PXYLP1: variants seen among roughly 807,000 people sequenced by gnomAD.
PXYLP1 encodes 2-phosphoxylose phosphatase 1.
A neutral mutation model predicts 37.9 loss-of-function variants in PXYLP1; 17 were observed. The ratio of observed to expected loss-of-function variants is 0.45; its 90% CI spans 0.31 to 0.67. PXYLP1 has a LOEUF of 0.67. PXYLP1 is among the 30% of genes least tolerant of loss of function. The pLI, the probability that PXYLP1 is intolerant of heterozygous loss-of-function variation, is 0.07. For synonymous variants in PXYLP1, 221 were observed against 232.2 expected (o/e 0.95, Z 0.44); for missense variants, 511 against 612.0 (o/e 0.84, Z 1.74).
intron 1 of PXYLP1, among the ~76,000 whole-genome samples, chr3:141,232,632 C>T (rs1286693286): frequency 1.3e-5 from 2 of 152,238 alleles, no homozygotes; most frequent in Non-Finnish European, 2.9e-5. Flanking sequence ...GTGAACTTGC[C>T]TATGTCCTGA....
intron 2 of PXYLP1, chr3:141,273,291 C>G: frequency 1.0e-6 from 1 of 985,428 alleles, no homozygotes; most frequent in Non-Finnish European, 1.2e-6. Context: ...AGTGGGTGAG[C>G]AGGTCCGGGC....
chr3:141,252,146 G>A (rs1941153879), intron 1 of PXYLP1, among the ~76,000 whole-genome samples: 1 of 152,110 alleles, frequency 6.6e-6, no homozygotes, highest in South Asian at 2.1e-4. Context: ...GGGTATGACT[G>A]GGAAATGAGG....
At chr3:141,279,302 G>T (rs1229949614) in intron 3 of PXYLP1, 76 bp from the exon 4 acceptor site, 9 of 1,572,762 alleles carry the variant, frequency 5.7e-6, no homozygotes, top group South Asian at 1.2e-5. Flanking sequence ...ATGTGGCCAG[G>T]TCATCCCCTT....
At chr3:141,248,592 CACGT>C (rs1235975236) in intron 1 of PXYLP1, among the ~76,000 whole-genome samples, 1 of 36,462 alleles carries the variant, frequency 2.7e-5, no homozygotes, top group African/African-American at 3.4e-4. Context: ...TATATACACA[CACGT>C]GTATATATAC....
At chr3:141,288,848 A>T (rs191479624) in intron 5 of PXYLP1, among the ~76,000 whole-genome samples, 7 of 152,314 alleles carry the variant, frequency 4.6e-5, no homozygotes, top group Admixed American at 1.3e-4. Context: ...GTGAACCATG[A>T]TCATGCCACT....
At chr3:141,261,026 GC>G (rs1559886269) in intron 2 of PXYLP1, among the ~76,000 whole-genome samples, 3 of 152,240 alleles carry the variant, frequency 2.0e-5, no homozygotes, top group African/African-American at 7.2e-5. Context: ...TTCCCTTTCA[GC>G]CCTTGCCCCT....
At chr3:141,240,186 T>C (rs1940760814) in intron 1 of PXYLP1, among the ~76,000 whole-genome samples, 1 of 152,226 alleles carries the variant, frequency 6.6e-6, no homozygotes, top group East Asian at 1.9e-4. Flanking sequence ...GCAAACCAGA[T>C]GTCCCCTGAC....
Position 141,287,396 on chromosome 3 carries a change from T to A in PXYLP1, c.448T>A (p.Ser150Thr). ...SGASFESPLNSLPLYPNHPLC... is the reference protein window; with the variant it reads ...SGASFESPLNTLPLYPNHPLC... The stretch of plus-strand genomic sequence containing the variant: ...AGCCTCTTTCGAAAGCCCCTTGAAC[T>A]CCTTGCCTCTTTACCCAAATCACCC... Residue 150 changes from serine (S) to threonine (T), a missense_variant, in exon 5 of 6, where the codon TCC becomes ACC. Transcript: ENST00000286353. 1 of 1,614,134 alleles carries A rather than the reference T, an allele frequency of 6.2e-7. No individual in the cohort carries two copies. Among genetic ancestry groups the A allele is most frequent in the Admixed American group, 1.7e-5 (1 of 60,032 alleles).
At chr3:141,274,903 G>T (rs72982588) in intron 2 of PXYLP1, among the ~76,000 whole-genome samples, 3,523 of 152,284 alleles carry the variant, frequency 0.023, 151 homozygotes, top group African/African-American at 0.08. Flanking sequence ...GAGTAGAGTT[G>T]CCAGCAAACG....
chr3:141,284,979 T>A (rs4461396), intron 4 of PXYLP1, among the ~76,000 whole-genome samples: 51,057 of 151,906 alleles, frequency 0.34, 10,992 homozygotes, highest in African/African-American at 0.62. Context: ...TTTTAGAGCA[T>A]CTGCTATGTG....
rs775132763 is a variant in PXYLP1, at chr3:141,292,313, A to G, written c.551A>G (p.Tyr184Cys). ...LQNGQLLRDI[Y>C]LKKHKLLPND... ...AACGGTCAGCTGCTGAGGGATATCTATCTAAAGAAACACAAACTCCTGCCC... is the reference window on the plus strand; with the variant it reads ...AACGGTCAGCTGCTGAGGGATATCTGTCTAAAGAAACACAAACTCCTGCCC... The change falls in exon 6 of 6, where the codon TAT becomes TGT. Residue 184 changes from tyrosine (Y) to cysteine (C), a missense_variant. Tyr to Cys is a radical substitution (Grantham distance 194). Transcript: ENST00000286353. This position sits in a 1 kb window ranked among gnomAD's most constrained non-coding sequence, Gnocchi z 4.3. The G allele has an allele frequency of 2.5e-6, 4 of 1,612,206 alleles. No homozygotes were observed. The highest frequency in any genetic ancestry group is 2.7e-5 in the African/African-American group (2 of 74,830).
chr3:141,244,232 C>T (rs1351521883), intron 1 of PXYLP1, among the ~76,000 whole-genome samples: 1 of 152,164 alleles, frequency 6.6e-6, no homozygotes, highest in Non-Finnish European at 1.5e-5. Context: ...AGCACAGGTT[C>T]AAATTCTAAA....
intron 1 of PXYLP1, among the ~76,000 whole-genome samples, chr3:141,245,045 CT>C (rs10546747): frequency 2.3e-4 from 24 of 106,162 alleles, no homozygotes; most frequent in Non-Finnish European, 3.3e-4. Flanking sequence ...CACTAACTCC[CT>C]TTTTTTTTTT....
chr3:141,278,442 CG>C lies in PXYLP1; in HGVS notation c.181del (p.Val61PhefsTer88). 8 of 1,614,206 alleles carry C rather than the reference CG, an allele frequency of 5.0e-6. No individual in the cohort carries two copies. Among genetic ancestry groups the C allele is most frequent in the Non-Finnish European group, 6.8e-6 (8 of 1,180,038 alleles). ...TGACGGAGCCCCCTGTGACAGACCC[CG>C]TTTATGAAGCTCTTTTGTACTGCAA... ...PVTEPPVTDP[V>X]YEALLYCNIP... On this transcript the variant is annotated frameshift_variant, in exon 3 of 6. Coordinates refer to ENST00000286353, the MANE Select transcript of PXYLP1 (RefSeq NM_001037172.3). LOFTEE classifies it high-confidence loss of function.
At chr3:141,290,003 T>A (rs1942163991) in intron 5 of PXYLP1, among the ~76,000 whole-genome samples, 1 of 152,260 alleles carries the variant, frequency 6.6e-6, no homozygotes. Context: ...TACTGTCTGC[T>A]CCTGTTTCCT....
intron 2 of PXYLP1, chr3:141,262,670 G>T: frequency 6.5e-7 from 1 of 1,532,744 alleles, no homozygotes; most frequent in Non-Finnish European, 8.7e-7. Flanking sequence ...TCTTGGATAC[G>T]TTGGAGATCG....
In PXYLP1 at chr3:141,253,335, T is replaced by A. The variant is rs1313684249; in HGVS notation, c.-53-6788T>A. ...ACCCCAGCTCCGCCTGTGTGGCCTC[T>A]GGGCAGCTGGCTTTCCCTAGGCACA... On this transcript the variant is annotated intron_variant, in intron 1 of 5. Coordinates refer to ENST00000286353, the MANE Select transcript of PXYLP1 (RefSeq NM_001037172.3). Among the ~76,000 whole-genome samples, 4 of 152,180 alleles carry A rather than the reference T, an allele frequency of 2.6e-5. No homozygotes were observed. The East Asian group carries it at 7.7e-4, about 29-fold the overall frequency.
intron 1 of PXYLP1, among the ~76,000 whole-genome samples, chr3:141,245,608 C>T (rs1402563271): frequency 6.6e-6 from 1 of 151,978 alleles, no homozygotes; most frequent in Non-Finnish European, 1.5e-5. Context: ...TTATTTGTGT[C>T]TTTGATCTTC....
In PXYLP1 at chr3:141,284,469, G is replaced by A. The variant is rs1292816085; in HGVS notation, c.366-2845G>A. On this transcript the variant is annotated intron_variant, in intron 4 of 5. Transcript: ENST00000286353. ...GGATCTAACCAAGTTCTTAAGAAGAGAATAGATTTTAGTGTACGACTAGTA... is the reference window on the plus strand; with the variant it reads ...GGATCTAACCAAGTTCTTAAGAAGAAAATAGATTTTAGTGTACGACTAGTA... Among the ~76,000 whole-genome samples the A allele has an allele frequency of 2.6e-5, 4 of 152,300 alleles. No individual in the cohort carries two copies. In the South Asian group the frequency reaches 6.2e-4, roughly 24 times the overall value.
Sources: gnomAD v4.1 joint callset for allele counts (sites outside exome capture counted in the v4.1 genomes callset) on GRCh38, gnomAD v4.1.1 for gene constraint, Gnocchi (gnomAD v3.1) non-coding constraint, MANE v1.5 for transcripts, NCBI Gene and HGNC (gene_info 2026-07-23, HGNC 2026-07-21) for gene names.